PHACTR1: variants seen among roughly 807,000 people sequenced by gnomAD.
PHACTR1 encodes phosphatase and actin regulator 1.
A neutral mutation model predicts 69.2 loss-of-function variants in PHACTR1; 16 were observed. The observed-to-expected ratio is 0.23, with a 90% CI of 0.16 to 0.35. PHACTR1 has a LOEUF of 0.35. Among genes scored for constraint, PHACTR1 ranks in the 10% least tolerant of loss-of-function variants. PHACTR1 has a pLI of 1.00. For missense variants in PHACTR1, 510 were observed against 734.7 expected (o/e 0.69, Z 3.54); for synonymous variants, 312 against 284.5 (o/e 1.10, Z -0.97).
chr6:13,024,095 G>A (rs113629661), intron 4 of PHACTR1, among the ~76,000 whole-genome samples: 54 of 151,010 alleles, frequency 3.6e-4, no homozygotes, highest in African/African-American at 7.6e-4. Flanking sequence ...AAAAAAAAAC[G>A]GGAATAACAG....
intron 9 of PHACTR1, among the ~76,000 whole-genome samples, chr6:13,228,610 A>G (rs1280929284): frequency 6.6e-6 from 1 of 152,244 alleles, no homozygotes; most frequent in Non-Finnish European, 1.5e-5. Context: ...TTACGTGAGT[A>G]CAGCCTGATA....
At chr6:13,132,272 C>T (rs1820583428) in intron 5 of PHACTR1, among the ~76,000 whole-genome samples, 1 of 152,118 alleles carries the variant, frequency 6.6e-6, no homozygotes, top group African/African-American at 2.4e-5. Context: ...CTTTCCCTTC[C>T]AGTTCCAGCG....
intron 5 of PHACTR1, among the ~76,000 whole-genome samples, chr6:13,067,416 G>C (rs187293521): frequency 6.6e-6 from 1 of 152,270 alleles, no homozygotes; most frequent in East Asian, 1.9e-4. Flanking sequence ...ACACATAACA[G>C]TGATATTACA....
intron 4 of PHACTR1, among the ~76,000 whole-genome samples, chr6:12,753,820 C>T (rs1766908509): frequency 6.6e-6 from 1 of 151,944 alleles, no homozygotes. Flanking sequence ...AACTAGGTCC[C>T]AGGGTACCTC....
Position 12,846,107 on chromosome 6 carries a change from A to T in PHACTR1, c.250+96317A>T, listed in dbSNP as rs116509489. Among the ~76,000 whole-genome samples, 1,052 of 152,302 alleles carry T rather than the reference A, an allele frequency of 6.9e-3. 17 individuals are homozygous for T. The highest frequency in any genetic ancestry group is 0.024 in the African/African-American group (1,001 of 41,556). ...AAACAAACAAACAAACTGAGTTCCA[A>T]ACACATAACATGAAGACTTTCGCTC... On this transcript the variant is annotated intron_variant, in intron 4 of 14. Transcript: ENST00000332995.
intron 4 of PHACTR1, among the ~76,000 whole-genome samples, chr6:12,883,661 G>C (rs995164313): frequency 6.6e-6 from 1 of 152,092 alleles, no homozygotes; most frequent in African/African-American, 2.4e-5. Context: ...TCTGGGGATG[G>C]CTCAGGTCCT....
At chr6:13,107,569 CT>C (rs1184286901) in intron 5 of PHACTR1, among the ~76,000 whole-genome samples, 5 of 152,236 alleles carry the variant, frequency 3.3e-5, no homozygotes, top group South Asian at 4.1e-4. Context: ...ACTATTTGCT[CT>C]CTTTCTTCTT....
intron 5 of PHACTR1, among the ~76,000 whole-genome samples, chr6:13,132,852 G>A (rs1007806110): frequency 8.6e-5 from 13 of 152,044 alleles, no homozygotes; most frequent in East Asian, 3.9e-4. Context: ...AGGTTGGGGC[G>A]GCTGTGGCAA....
In PHACTR1 at chr6:13,225,022, G is replaced by A. The variant is rs557758836; in HGVS notation, c.987-2794G>A. Among the ~76,000 whole-genome samples, 8 of 152,292 alleles carry A rather than the reference G, an allele frequency of 5.3e-5. No homozygotes were observed. The South Asian group carries it at 1.0e-3, about 20-fold the overall frequency. On this transcript the variant is annotated intron_variant, in intron 8 of 14. Transcript: ENST00000332995. The stretch of plus-strand genomic sequence containing the variant: ...AGTGGCAAAACGTGGACTCAGATCT[G>A]TCTGGACTCCCCAAACTGAGGCCAC...
At chr6:13,074,224 CAAAG>C (rs1466229980) in intron 5 of PHACTR1, among the ~76,000 whole-genome samples, 1 of 152,072 alleles carries the variant, frequency 6.6e-6, no homozygotes, top group Non-Finnish European at 1.5e-5. Flanking sequence ...ACCAGCAAGT[CAAAG>C]AAAAATGCAA....
At chr6:12,876,669 G>T (rs1042562780) in intron 4 of PHACTR1, among the ~76,000 whole-genome samples, 1 of 152,132 alleles carries the variant, frequency 6.6e-6, no homozygotes, top group Non-Finnish European at 1.5e-5. Flanking sequence ...ACAAAAAAAA[G>T]TCCTAAACTT....
At chr6:13,182,812 T>G in intron 7 of PHACTR1, 126 bp downstream of exon 7, 1 of 911,170 alleles carries the variant, frequency 1.1e-6, no homozygotes. Context: ...ATCTGGAAAT[T>G]TAGTGAAACA....
At chr6:12,992,463 G>C (rs1339968515) in intron 4 of PHACTR1, among the ~76,000 whole-genome samples, 1 of 152,096 alleles carries the variant, frequency 6.6e-6, no homozygotes, top group Non-Finnish European at 1.5e-5. Context: ...AGAACAATCA[G>C]GTTCCATAGA....
chr6:13,210,112 A>G (rs1006979856), intron 8 of PHACTR1, among the ~76,000 whole-genome samples: 24 of 152,130 alleles, frequency 1.6e-4, no homozygotes, highest in African/African-American at 5.6e-4. Context: ...GGCTCAAGCA[A>G]TTCTCCCACC....
intron 4 of PHACTR1, among the ~76,000 whole-genome samples, chr6:12,779,140 A>G (rs1219602855): frequency 6.6e-6 from 1 of 152,214 alleles, no homozygotes; most frequent in Non-Finnish European, 1.5e-5. Context: ...GTTCGAGACC[A>G]GCCTGACCAA....
chr6:13,170,376 T>C lies in PHACTR1; in HGVS notation c.496+10092T>C, dbSNP rs1033704724. On this transcript the variant is annotated intron_variant, in intron 6 of 14. Coordinates refer to ENST00000332995, the MANE Select transcript of PHACTR1 (RefSeq NM_030948.6). ...CCACCATGAAACCACCCTTTCTAACTGCTTACCTGGACCCCTCCTGTGAAC... is the reference window on the plus strand; with the variant it reads ...CCACCATGAAACCACCCTTTCTAACCGCTTACCTGGACCCCTCCTGTGAAC... Among the ~76,000 whole-genome samples the C allele has an allele frequency of 2.0e-5, 3 of 152,200 alleles. No homozygotes were observed. The South Asian group carries it at 6.2e-4, about 31-fold the overall frequency.
chr6:13,246,732 C>A lies in PHACTR1; in HGVS notation c.1391+16539C>A, dbSNP rs1315924390. Among the ~76,000 whole-genome samples the A allele has an allele frequency of 6.6e-6, 1 of 152,182 alleles. No individual in the cohort carries two copies. Among genetic ancestry groups the A allele is most frequent in the East Asian group, 1.9e-4 (1 of 5,200 alleles). On this transcript the variant is annotated intron_variant, in intron 10 of 14. Coordinates refer to ENST00000332995, the MANE Select transcript of PHACTR1 (RefSeq NM_030948.6). This position sits in a 1 kb window ranked among gnomAD's most constrained non-coding sequence, Gnocchi z 4.2. ...CCCCTATACAGAGCTTGCACATGGA[C>A]CTGAATATTTAAAGAGCAGAACGAG...
At chr6:13,045,234 TG>T (rs149410500) in intron 4 of PHACTR1, among the ~76,000 whole-genome samples, 1 of 152,160 alleles carries the variant, frequency 6.6e-6, no homozygotes, top group Non-Finnish European at 1.5e-5. Context: ...AGCTCTAAAA[TG>T]GGGATAATAT....
chr6:13,231,290 G>T lies in PHACTR1; in HGVS notation c.1391+1097G>T, dbSNP rs1771088099. ...GGAAAGAGAAAGAAGGAAAGAGAAA[G>T]AGAGAGCGAAAGAGAAGGAGGGAGG... On this transcript the variant is annotated intron_variant, in intron 10 of 14. Coordinates refer to ENST00000332995, the MANE Select transcript of PHACTR1 (RefSeq NM_030948.6). Among the ~76,000 whole-genome samples, 2 of 40,562 alleles carry T rather than the reference G, an allele frequency of 4.9e-5. 1 individual carries two copies. Among genetic ancestry groups the T allele is most frequent in the South Asian group, 2.2e-3 (2 of 928 alleles). The allele number at this position is 40,562 out of a possible 152,430, so 26.6% of individuals were successfully genotyped here. A position where few individuals can be genotyped will look rare whatever the true frequency, so the allele number is the denominator to read the frequency against.
Sources: allele counts gnomAD v4.1 joint callset (sites outside exome capture counted in the v4.1 genomes callset), GRCh38; gene constraint gnomAD v4.1.1; non-coding constraint Gnocchi (gnomAD v3.1); transcripts MANE v1.5; gene names NCBI Gene and HGNC (gene_info 2026-07-23, HGNC 2026-07-21).